PPP1R1C: variants seen among roughly 807,000 people sequenced by gnomAD.
The protein encoded by PPP1R1C is protein phosphatase 1 regulatory inhibitor subunit 1C, also known as protein phosphatase 1 regulatory subunit 1C.
PPP1R1C carries 15 observed loss-of-function variants against 17.4 expected under a neutral mutation model. That is an observed-to-expected ratio of 0.86 (90% CI 0.58 to 1.33). The LOEUF is 1.33. Ranked by LOEUF, PPP1R1C falls within the 40% of genes most tolerant of loss-of-function variation. The pLI is 0.00. For synonymous variants in PPP1R1C, 35 were observed against 43.1 expected (o/e 0.81, Z 0.73); for missense variants, 143 against 130.0 (o/e 1.10, Z -0.48).
At chr2:182,057,262 A>G (rs926509344) in intron 2 of PPP1R1C, among the ~76,000 whole-genome samples, 1 of 152,190 alleles carries the variant, frequency 6.6e-6, no homozygotes, top group African/African-American at 2.4e-5. Flanking sequence ...AATGGACATG[A>G]TATAGGGAAT....
chr2:182,024,335 C>CA (rs1347409064), intron 2 of PPP1R1C, among the ~76,000 whole-genome samples: 1 of 151,794 alleles, frequency 6.6e-6, no homozygotes, highest in Non-Finnish European at 1.5e-5. Context: ...GAATTAGAAC[C>CA]AAAAAATTTA....
intron 1 of PPP1R1C, among the ~76,000 whole-genome samples, chr2:181,955,264 C>A (rs992004574): frequency 2.6e-5 from 4 of 152,206 alleles, no homozygotes; most frequent in African/African-American, 4.8e-5. Flanking sequence ...ATCAGCTGTA[C>A]TTTTCCTATG....
rs1031614208 is a variant in PPP1R1C at position 181,967,264 on chromosome 2, A to G, written n.112-7955A>G. On this transcript the variant is annotated intron_variant and non_coding_transcript_variant, in intron 1 of 5. Coordinates refer to the PPP1R1C transcript ENST00000464264. This position sits in a 1 kb window ranked among gnomAD's most constrained non-coding sequence, Gnocchi z 5.5. ...AAAAAACCAAATTTTCCCTTTATTA[A>G]TCTCATATTTTTTGGTTTCAATTTC... Among the ~76,000 whole-genome samples, 1 of 151,618 alleles carries G rather than the reference A, an allele frequency of 6.6e-6. No homozygotes were observed. The highest frequency in any genetic ancestry group is 2.4e-5 in the African/African-American group (1 of 41,310).
In PPP1R1C at chr2:182,117,357, ACCATGGAATTCCACTGCTTG is replaced by A. The variant is rs1328221118; in HGVS notation, c.*63_*82del. On this transcript the variant is annotated 3_prime_UTR_variant, in exon 5 of 5. Coordinates refer to ENST00000682840, the MANE Select transcript of PPP1R1C (RefSeq NM_001080545.3). ...CTGAACTATTAACTTTTCTGAGTAT[ACCATGGAATTCCACTGCTTG>A]ACTTCCAGAAGCATCCTCCATCTCT... 8.2e-7 allele frequency: 1 copy of A among 1,219,968 alleles called. No homozygotes were observed. Among genetic ancestry groups the A allele is most frequent in the African/African-American group, 1.5e-5 (1 of 64,666 alleles). The allele number at this position is 1,219,968 out of a possible 1,614,324, so 75.6% of individuals were successfully genotyped here.
intron 2 of PPP1R1C, among the ~76,000 whole-genome samples, chr2:182,043,523 C>T (rs947572644): frequency 6.6e-6 from 1 of 150,938 alleles, no homozygotes; most frequent in South Asian, 2.1e-4. Flanking sequence ...TATGCCCAGA[C>T]ATGGTATGAT....
chr2:182,099,534 G>A (rs1161436156), intron 4 of PPP1R1C, among the ~76,000 whole-genome samples: 1 of 152,186 alleles, frequency 6.6e-6, no homozygotes, highest in African/African-American at 2.4e-5. Context: ...ATTTAGGCAA[G>A]TGGGAGAATA....
intron 2 of PPP1R1C, among the ~76,000 whole-genome samples, chr2:182,010,134 GT>G (rs34759449): frequency 0.56 from 84,281 of 150,264 alleles, 23,737 homozygotes; most frequent in Admixed American, 0.67. Context: ...TTTTAGGATA[GT>G]TTTTTTTTTC....
At chr2:182,063,670 C>A in intron 3 of PPP1R1C, 61 bp from the exon 4 acceptor site, 1 of 1,272,186 alleles carries the variant, frequency 7.9e-7, no homozygotes, top group South Asian at 1.2e-5. Flanking sequence ...CCTCACAGGT[C>A]TGATGGCATC....
At chr2:182,078,447 C>G (rs1041250298) in intron 4 of PPP1R1C, among the ~76,000 whole-genome samples, 1 of 152,112 alleles carries the variant, frequency 6.6e-6, no homozygotes, top group African/African-American at 2.4e-5. Flanking sequence ...AGCTCTATTC[C>G]TTCATAAGGC....
rs369261412 is a variant in PPP1R1C at position 182,076,617 on chromosome 2, A to G, written c.241+12826A>G. Among the ~76,000 whole-genome samples, 16 of 151,838 alleles carry G rather than the reference A, an allele frequency of 1.1e-4. 2 individuals carry two copies. Among genetic ancestry groups the G allele is most frequent in the African/African-American group, 3.9e-4 (16 of 41,438 alleles). On this transcript the variant is annotated intron_variant, in intron 4 of 4. Transcript: ENST00000682840. ...AAGTCAATCAGAACCCCCCCACCCC[A>G]AACCTCCTAACTCTACCATTATTCC...
chr2:181,962,020 C>T lies in PPP1R1C; in HGVS notation n.111+7386C>T. ...CGGCTGCAAGACAGGCATTGTCAAT[C>T]TGCAAAACGATGCCGGCATTGTCCA... is the stretch of plus-strand genomic sequence containing the variant. On this transcript the variant is annotated intron_variant and non_coding_transcript_variant, in intron 1 of 5. Coordinates refer to the PPP1R1C transcript ENST00000464264. The surrounding 1 kb of genome is among the most constrained non-coding windows in gnomAD (Gnocchi z 6.0). The T allele has an allele frequency of 1.4e-6, 1 of 730,502 alleles. No homozygotes were observed. Among genetic ancestry groups the T allele is most frequent in the Non-Finnish European group, 2.5e-6 (1 of 395,078 alleles). 45.3% of individuals were successfully genotyped at this position (730,502 alleles called of 1,614,324 possible). A position where few individuals can be genotyped will look rare whatever the true frequency, so the allele number is the denominator to read the frequency against.
At chr2:181,954,696 CCTAA>C (rs1157463795) in intron 1 of PPP1R1C, 3 of 152,160 alleles carry the variant, frequency 2.0e-5, no homozygotes, top group Non-Finnish European at 4.4e-5. Context: ...TTTTTGGCTG[CCTAA>C]ACAGAAACAG....
chr2:181,970,626 A>G (rs1379951660), intron 1 of PPP1R1C, among the ~76,000 whole-genome samples: 2 of 152,166 alleles, frequency 1.3e-5, no homozygotes, highest in East Asian at 3.9e-4. Context: ...AGCAGGTGGC[A>G]AAGCCAGCCA....
At chr2:182,003,629 G>A (rs1685834727) in intron 2 of PPP1R1C, among the ~76,000 whole-genome samples, 1 of 151,884 alleles carries the variant, frequency 6.6e-6, no homozygotes, top group Non-Finnish European at 1.5e-5. Context: ...ACATAAATCA[G>A]TCTTGTAGCA....
At chr2:181,981,133 T>A (rs1253694659), upstream of PPP1R1C, among the ~76,000 whole-genome samples, 12 of 151,900 alleles carry the variant, frequency 7.9e-5, no homozygotes, top group Admixed American at 7.9e-4. Flanking sequence ...TTTCACCGTT[T>A]TAGCCGGGAT....
intron 2 of PPP1R1C, among the ~76,000 whole-genome samples, chr2:182,039,576 G>A (rs1333690349): frequency 1.3e-5 from 2 of 152,128 alleles, no homozygotes; most frequent in Non-Finnish European, 2.9e-5. Context: ...GTAGAGCTAA[G>A]ATCTCATTAT....
At chr2:181,980,648 C>A (rs1464016812) in intron 2 of PPP1R1C, among the ~76,000 whole-genome samples, 1 of 152,174 alleles carries the variant, frequency 6.6e-6, no homozygotes, top group Non-Finnish European at 1.5e-5. Context: ...GGACTTGCTA[C>A]AAACTCTTCA....
intron 2 of PPP1R1C, among the ~76,000 whole-genome samples, chr2:182,041,572 G>A (rs1294715595): frequency 1.5e-5 from 2 of 137,134 alleles, no homozygotes; most frequent in East Asian, 4.2e-4. Context: ...TCATGCCATT[G>A]ACTCCAGTCT....
chr2:182,009,422 A>G lies in PPP1R1C; in HGVS notation c.142+21523A>G, dbSNP rs1361386706. Among the ~76,000 whole-genome samples, 5 of 152,140 alleles carry G rather than the reference A, an allele frequency of 3.3e-5. No homozygotes were observed. The South Asian group carries it at 6.2e-4, about 19-fold the overall frequency. ...TTTCATATACCTATTTGCCATTTGTATCTCTTCAGAAATGTCTATTCAGAT... is the reference window on the plus strand; with the variant it reads ...TTTCATATACCTATTTGCCATTTGTGTCTCTTCAGAAATGTCTATTCAGAT... On this transcript the variant is annotated intron_variant, in intron 2 of 4. Coordinates refer to ENST00000682840, the MANE Select transcript of PPP1R1C (RefSeq NM_001080545.3).
Sources: allele counts gnomAD v4.1 joint callset (sites outside exome capture counted in the v4.1 genomes callset), GRCh38; gene constraint gnomAD v4.1.1; non-coding constraint Gnocchi (gnomAD v3.1); transcripts MANE v1.5; gene names NCBI Gene and HGNC (gene_info 2026-07-23, HGNC 2026-07-21).